Variants in KIF21B observed in about 807,000 individuals in gnomAD.
The protein encoded by KIF21B is kinesin family member 21B, also known as kinesin-like protein KIF21B.
A neutral mutation model predicts 192.9 loss-of-function variants in KIF21B; 85 were observed. The ratio of observed to expected loss-of-function variants is 0.44; its 90% CI spans 0.37 to 0.53. The LOEUF is 0.53. Ranked by LOEUF, KIF21B falls within the 20% of genes least tolerant of loss-of-function variation. The probability of loss-of-function intolerance (pLI) is 0.00; values close to 1 mark genes in which losing one functional copy is unlikely to be tolerated. For synonymous variants in KIF21B, 832 were observed against 884.6 expected, an observed-to-expected ratio of 0.94 and a Z score of 1.05; for missense variants, 1,716 against 2,194.8, an observed-to-expected ratio of 0.78 and a Z score of 4.36.
intron 30 of KIF21B, 119 bp downstream of exon 30, chr1:200,979,416 G>A: frequency 1.5e-6 from 1 of 674,982 alleles, no homozygotes. Flanking sequence ...GCTGGTAATG[G>A]TCTCTGTGCC....
intron 21 of KIF21B, 36 bp downstream of exon 21, chr1:200,989,906 C>T (rs1656565118): frequency 1.3e-6 from 2 of 1,521,054 alleles, no homozygotes; most frequent in African/African-American, 2.8e-5. Context: ...CATCTGTGCC[C>T]ATAGAGCCCC....
chr1:201,005,017 G>T, intron 5 of KIF21B, 84 bp from the exon 6 acceptor site: 2 of 1,468,830 alleles, frequency 1.4e-6, no homozygotes, highest in Non-Finnish European at 1.9e-6. Context: ...TCCGGGAGAG[G>T]CACGGTGGAC....
In KIF21B at chr1:200,990,359, T is replaced by C. The variant is rs769519036; in HGVS notation, c.2836-27A>G. 2 of 1,579,156 alleles carry C rather than the reference T, an allele frequency of 1.3e-6. No homozygotes were observed. The highest frequency in any genetic ancestry group is 2.3e-5 in the East Asian group (1 of 43,670). ...TGGGGTCAGAGGGGAGGGTGGTGATTGTGATGAAGGAGAGGCCTCAGGTAG... is the reference window on the plus strand; with the variant it reads ...TGGGGTCAGAGGGGAGGGTGGTGATCGTGATGAAGGAGAGGCCTCAGGTAG... On this transcript the variant is annotated intron_variant, in intron 19 of 34. Coordinates refer to ENST00000461742, the MANE Select transcript of KIF21B (RefSeq NM_001252102.2). This position sits in a 1 kb window ranked among gnomAD's most constrained non-coding sequence, Gnocchi z 5.4.
At position 201,000,753 on chromosome 1, in the gene KIF21B, A is replaced by G; in HGVS notation, c.1430T>C (p.Leu477Pro). ...GATCTCCCGGATGTAGTTCTGGATC[A>G]GCGCACCAATGGCCTCATTGCCATC... ...AGDGNEAIGALIQNYIREIEE... is the reference protein window; with the variant it reads ...AGDGNEAIGAPIQNYIREIEE... Residue 477 changes from leucine (L) to proline (P), a missense_variant, in exon 10 of 35, where the codon CTG becomes CCG. By Grantham distance (98) the Leu-to-Pro change is moderately conservative. Around this residue, in one of 3 missense-constraint regions of KIF21B, gnomAD observed 1,087 missense variants for 1,316.6 expected, o/e 0.83. Transcript: ENST00000461742. The surrounding 1 kb of genome is among the most constrained non-coding windows in gnomAD (Gnocchi z 6.0). The G allele has an allele frequency of 1.9e-6, 3 of 1,614,246 alleles. No homozygotes were observed. The highest frequency in any genetic ancestry group is 1.1e-5 in the South Asian group (1 of 91,092).
rs772671705 is a variant in KIF21B at position 201,000,514 on chromosome 1, G to A, written c.1561C>T (p.Pro521Ser). ...ARSPYSLGAS[P>S]AAPAFGGSPA... ...CTGCCCCCGAAGGCCGGGGCGGCTG[G>A]AGAAGCACCCAGGGAGTAGGGGCTC... The change falls in exon 11 of 35, where the codon CCA becomes TCA. Residue 521 changes from proline (P) to serine (S), a missense_variant. Transcript: ENST00000461742. This position sits in a 1 kb window ranked among gnomAD's most constrained non-coding sequence, Gnocchi z 6.0. 1 of 1,611,294 alleles carries A rather than the reference G, an allele frequency of 6.2e-7. No homozygotes were observed. The highest frequency in any genetic ancestry group is 1.1e-5 in the South Asian group (1 of 91,026).
chr1:200,989,269 GACTGGT>G (rs1251571480), intron 21 of KIF21B, among the ~76,000 whole-genome samples: 1 of 152,188 alleles, frequency 6.6e-6, no homozygotes, highest in Non-Finnish European at 1.5e-5. Flanking sequence ...GAGGCTCCCA[GACTGGT>G]ACTTGGTTAT....
intron 22 of KIF21B, 68 bp downstream of exon 22, chr1:200,988,698 T>TG (rs1249274337): frequency 1.9e-6 from 3 of 1,552,290 alleles, no homozygotes; most frequent in Middle Eastern, 1.7e-4. Context: ...GAGGGCCTTG[T>TG]GGGGGTCTGA....
intron 1 of KIF21B, among the ~76,000 whole-genome samples, chr1:201,015,150 T>A (rs1658435244): frequency 6.6e-6 from 1 of 152,340 alleles, no homozygotes; most frequent in East Asian, 1.9e-4. Flanking sequence ...CGGCTCAAGG[T>A]CACATAGCTA....
intron 1 of KIF21B, among the ~76,000 whole-genome samples, chr1:201,019,147 C>T (rs1312434110): frequency 6.6e-6 from 1 of 152,156 alleles, no homozygotes; most frequent in Non-Finnish European, 1.5e-5. Flanking sequence ...ATTGGTCAGG[C>T]TGGTCTTGAA....
In KIF21B at chr1:201,003,649, C is replaced by T; in HGVS notation, c.1149G>A (p.Gln383=). Residue 383 remains glutamine, a synonymous_variant, in exon 8 of 35, where the codon CAG becomes CAA. Transcript: ENST00000461742. ...KVVVNQDKTS[Q]QISALRAEIA... is the part of the protein sequence containing the mutation. ...TCTCAGCCCGCAGTGCACTGATTTG[C>T]TGGCTGGTCTTGTCCTGGTTCACTA... The T allele has an allele frequency of 6.2e-7, 1 of 1,614,238 alleles. No homozygotes were observed. The highest frequency in any genetic ancestry group is 8.5e-7 in the Non-Finnish European group (1 of 1,180,048).
intron 1 of KIF21B, among the ~76,000 whole-genome samples, chr1:201,010,946 C>T (rs1282433655): frequency 1.3e-5 from 2 of 152,218 alleles, no homozygotes; most frequent in East Asian, 3.8e-4. Flanking sequence ...CAACACCAGG[C>T]TCAGTTCCTA....
In KIF21B at chr1:200,999,377, C is replaced by T. The variant is rs765876733; in HGVS notation, c.1857G>A (p.Val619=). The T allele has an allele frequency of 3.1e-5, 50 of 1,614,014 alleles. No homozygotes were observed. The highest frequency in any genetic ancestry group is 2.2e-4 in the Admixed American group (13 of 60,000). ...DEDSGSEESL[V]DSDSDPEEKE... ...TCTCCTCGGGGTCTGAGTCTGAGTC[C>T]ACCAGGCTCTCTTCACTGCCCGAGT... The change falls in exon 13 of 35, where the codon GTG becomes GTA. Residue 619 remains valine, a synonymous_variant. Coordinates refer to ENST00000461742, the MANE Select transcript of KIF21B (RefSeq NM_001252102.2). The surrounding 1 kb of genome is among the most constrained non-coding windows in gnomAD (Gnocchi z 4.7).
At chr1:201,019,923 A>C (rs989002479) in intron 1 of KIF21B, among the ~76,000 whole-genome samples, 2 of 152,188 alleles carry the variant, frequency 1.3e-5, no homozygotes, top group African/African-American at 4.8e-5. Flanking sequence ...TCAGACAGTC[A>C]TTGACCAAGA....
At position 200,984,982 on chromosome 1, in the gene KIF21B, C is replaced by G; in HGVS notation, c.3690-10G>C. 2 of 1,597,018 alleles carry G rather than the reference C, an allele frequency of 1.3e-6. No homozygotes were observed. The highest frequency in any genetic ancestry group is 1.7e-6 in the Non-Finnish European group (2 of 1,170,370). On this transcript the variant is annotated splice_polypyrimidine_tract_variant and intron_variant, in intron 26 of 34. Transcript: ENST00000461742. ...TCCCACATCTGTGGACCTGGTGAGT[C>G]GGGACAGAGGGCAGCCTGTTAGTGA... is the stretch of plus-strand genomic sequence containing the variant.
At chr1:201,013,979 A>G (rs1480456051) in intron 1 of KIF21B, among the ~76,000 whole-genome samples, 1 of 151,990 alleles carries the variant, frequency 6.6e-6, no homozygotes. Context: ...GCCAGGAGGG[A>G]GGGCCGGCTG....
chr1:201,007,153 C>T (rs906545251), intron 3 of KIF21B, among the ~76,000 whole-genome samples: 7 of 145,990 alleles, frequency 4.8e-5, no homozygotes, highest in Admixed American at 1.4e-4. Flanking sequence ...TACACAGACA[C>T]GGACACAGAG....
chr1:201,002,098 A>G, intron 9 of KIF21B, 63 bp downstream of exon 9: 2 of 1,425,720 alleles, frequency 1.4e-6, no homozygotes, highest in East Asian at 2.3e-5. Flanking sequence ...TCTGGGGTGG[A>G]TGTCGGGGGA....
chr1:201,018,043 C>T (rs939049038), intron 1 of KIF21B, among the ~76,000 whole-genome samples: 2 of 152,196 alleles, frequency 1.3e-5, no homozygotes, highest in African/African-American at 4.8e-5. Flanking sequence ...GACCCCCACC[C>T]AGCCCAGGGC....
In KIF21B at chr1:200,982,387, G is replaced by A. The variant is rs537498982; in HGVS notation, c.3842+669C>T. Among the ~76,000 whole-genome samples, 64 of 152,342 alleles carry A rather than the reference G, an allele frequency of 4.2e-4. 1 individual carries two copies. The highest frequency in any genetic ancestry group is 2.6e-4 in the Non-Finnish European group (18 of 68,024). On this transcript the variant is annotated intron_variant, in intron 28 of 34. Coordinates refer to ENST00000461742, the MANE Select transcript of KIF21B (RefSeq NM_001252102.2). This position sits in a 1 kb window ranked among gnomAD's most constrained non-coding sequence, Gnocchi z 4.7. ...AGAGCCGAGGAAGCTCTCAGCCCAC[G>A]AGGGGCCCTTGGCTTGTCAGGGGCT... is the stretch of plus-strand genomic sequence containing the variant.
Sources: allele counts gnomAD v4.1 joint callset (sites outside exome capture counted in the v4.1 genomes callset), GRCh38; gene constraint gnomAD v4.1.1; regional missense constraint gnomAD v4.1.1; non-coding constraint Gnocchi (gnomAD v3.1); transcripts MANE v1.5; gene names NCBI Gene and HGNC (gene_info 2026-07-23, HGNC 2026-07-21).